The following CALN1 variants were observed in gnomAD, a reference collection of about 807,000 sequenced individuals.
CALN1 encodes calcium-binding protein 8.
Under a neutral mutation model 30.6 loss-of-function variants are expected in CALN1, and 17 were observed. That is an observed-to-expected ratio of 0.56 (90% CI 0.38 to 0.83). The LOEUF is 0.83. CALN1 is among the 40% of genes least tolerant of loss of function. The pLI is 0.00. For missense variants in CALN1, 291 were observed against 354.9 expected, an observed-to-expected ratio of 0.82 and a Z score of 1.45; for synonymous variants, 156 against 131.4, an observed-to-expected ratio of 1.19 and a Z score of -1.28.
chr7:71,985,838 C>T (rs999299871), intron 5 of CALN1, among the ~76,000 whole-genome samples: 1 of 151,934 alleles, frequency 6.6e-6, no homozygotes, highest in African/African-American at 2.4e-5. Context: ...GATCCACCCA[C>T]CTTGGCCTCC....
At position 71,883,669 on chromosome 7, in the gene CALN1, G is replaced by GT. The variant is rs1792720073; in HGVS notation, c.502-73178dup. ...TTCCAGTGTATCTACTGCTCCTTGT[G>GT]TAAGAGCAGGTGCTTACTGTAAATC... On this transcript the variant is annotated intron_variant, in intron 5 of 6. Transcript: ENST00000395275. Among the ~76,000 whole-genome samples, 5 of 152,244 alleles carry GT rather than the reference G, an allele frequency of 3.3e-5. No individual in the cohort carries two copies. The South Asian group carries it at 1.0e-3, about 32-fold the overall frequency.
intron 5 of CALN1, among the ~76,000 whole-genome samples, chr7:71,840,172 A>G (rs1439733099): frequency 6.6e-6 from 1 of 152,072 alleles, no homozygotes; most frequent in Non-Finnish European, 1.5e-5. Flanking sequence ...GTTCTAACAG[A>G]AGCAAACAGG....
At chr7:72,168,805 A>ATTTTTT (rs3030351) in intron 3 of CALN1, among the ~76,000 whole-genome samples, 20 of 128,464 alleles carry the variant, frequency 1.6e-4, no homozygotes, top group Admixed American at 2.6e-4. Flanking sequence ...TATTATTATT[A>ATTTTTT]TTTTTTTTTT....
chr7:71,993,457 T>TC (rs1003713070), intron 5 of CALN1, among the ~76,000 whole-genome samples: 9 of 146,362 alleles, frequency 6.1e-5, no homozygotes, highest in Admixed American at 2.0e-4. Flanking sequence ...CAATGAGGCT[T>TC]TTTTTTTTTT....
rs756143744 is a variant in CALN1, at chr7:71,810,380, C to A, written c.614G>T (p.Ser205Ile). Residue 205 changes from serine to isoleucine, a missense_variant, in exon 6 of 7, where the codon AGC becomes ATC. By Grantham distance (142) the Ser-to-Ile change is moderately radical. This residue lies in a region of CALN1 where 169 missense variants were observed against 251.7 expected (regional missense o/e 0.67). Transcript: ENST00000395275. ...IENIIINEEESLNETSGNCQT... is the reference protein window; with the variant it reads ...IENIIINEEEILNETSGNCQT... ...GCAGTTCCCCGAGGTCTCATTCAGGCTCTCTTCCTCATTGATAATGATGTT... is the reference window on the plus strand; with the variant it reads ...GCAGTTCCCCGAGGTCTCATTCAGGATCTCTTCCTCATTGATAATGATGTT... 6.2e-7 allele frequency: 1 copy of A among 1,614,148 alleles called. No individual in the cohort carries two copies. The highest frequency in any genetic ancestry group is 8.5e-7 in the Non-Finnish European group (1 of 1,180,022).
intron 2 of CALN1, among the ~76,000 whole-genome samples, chr7:72,352,563 T>C (rs775274844): frequency 1.3e-5 from 2 of 151,996 alleles, no homozygotes; most frequent in African/African-American, 2.4e-5. Context: ...CAAAGAATAA[T>C]CACAAAGGAA....
At chr7:72,373,528 T>G (rs1804372261) in intron 2 of CALN1, among the ~76,000 whole-genome samples, 1 of 152,168 alleles carries the variant, frequency 6.6e-6, no homozygotes, top group Admixed American at 6.5e-5. Flanking sequence ...ATAAACTACA[T>G]GAGATATTCA....
At chr7:72,231,309 G>C (rs974186577) in intron 3 of CALN1, among the ~76,000 whole-genome samples, 1 of 152,128 alleles carries the variant, frequency 6.6e-6, no homozygotes, top group Non-Finnish European at 1.5e-5. Context: ...ACAGGCCCCA[G>C]TGTGTGTTGT....
chr7:72,016,888 C>T (rs976797158), intron 5 of CALN1, among the ~76,000 whole-genome samples: 1 of 150,820 alleles, frequency 6.6e-6, no homozygotes, highest in African/African-American at 2.4e-5. Context: ...CACGGTGGCT[C>T]ATGCCTGTAA....
intron 2 of CALN1, among the ~76,000 whole-genome samples, chr7:72,309,131 T>C (rs1799864985): frequency 6.6e-6 from 1 of 152,156 alleles, no homozygotes; most frequent in South Asian, 2.1e-4. Context: ...GCACAAGCTC[T>C]ATAGCCTGCC....
At chr7:72,029,165 T>C (rs185910521) in intron 4 of CALN1, among the ~76,000 whole-genome samples, 5 of 151,994 alleles carry the variant, frequency 3.3e-5, no homozygotes, top group Admixed American at 6.6e-5. Context: ...CTCACTCTGT[T>C]GCCCAGGCTG....
At chr7:71,898,736 A>G (rs1248189086) in intron 5 of CALN1, among the ~76,000 whole-genome samples, 2 of 152,212 alleles carry the variant, frequency 1.3e-5, no homozygotes, top group African/African-American at 2.4e-5. Flanking sequence ...CACAGAAAAA[A>G]TAAGAAGTTA....
At chr7:72,186,679 G>A (rs1790213058) in intron 3 of CALN1, among the ~76,000 whole-genome samples, 1 of 152,022 alleles carries the variant, frequency 6.6e-6, no homozygotes, top group Non-Finnish European at 1.5e-5. Context: ...TTGGTTTTCT[G>A]TTTCTGTGTT....
intron 3 of CALN1, among the ~76,000 whole-genome samples, chr7:72,142,577 G>A (rs1199669717): frequency 6.6e-6 from 1 of 152,242 alleles, no homozygotes; most frequent in Non-Finnish European, 1.5e-5. Flanking sequence ...AAACGCAGCA[G>A]AAACTTCTGC....
chr7:72,053,312 G>T (rs1202041764), intron 4 of CALN1, among the ~76,000 whole-genome samples: 1 of 152,212 alleles, frequency 6.6e-6, no homozygotes, highest in Non-Finnish European at 1.5e-5. Context: ...TAAAAAGCAT[G>T]ATTTTCAAAT....
chr7:72,407,208 T>G (rs924573074), intron 1 of CALN1, among the ~76,000 whole-genome samples: 12 of 152,356 alleles, frequency 7.9e-5, no homozygotes, highest in Middle Eastern at 3.4e-3. Context: ...TGTGTGACCT[T>G]GGGCAAGTGA....
chr7:72,165,893 G>A (rs1023619333), intron 3 of CALN1, among the ~76,000 whole-genome samples: 8 of 152,090 alleles, frequency 5.3e-5, no homozygotes, highest in African/African-American at 1.9e-4. Context: ...CCCTTGAACC[G>A]TGATGTTGCC....
intron 5 of CALN1, among the ~76,000 whole-genome samples, chr7:72,001,593 C>T (rs568785869): frequency 1.4e-3 from 212 of 152,342 alleles, no homozygotes; most frequent in Non-Finnish European, 1.8e-3. Flanking sequence ...GGTCAAACCA[C>T]GCACTTGATA....
intron 2 of CALN1, 47 bp downstream of exon 2, chr7:72,403,204 G>A (rs1364663000): frequency 4.8e-6 from 7 of 1,472,498 alleles, no homozygotes; most frequent in Admixed American, 4.1e-5. Context: ...CCTACCTGAG[G>A]GCTGCCAAAC....
Sources: gnomAD v4.1 joint callset for allele counts (sites outside exome capture counted in the v4.1 genomes callset) on GRCh38, gnomAD v4.1.1 for gene constraint, gnomAD v4.1.1 regional missense constraint, MANE v1.5 for transcripts, NCBI Gene and HGNC (gene_info 2026-07-23, HGNC 2026-07-21) for gene names.